Variants in ZFHX3 observed in about 807,000 individuals in gnomAD.
ZFHX3 encodes zinc finger homeobox 3, also known as zinc finger homeobox protein 3.
ZFHX3 carries 42 observed loss-of-function variants against 279.1 expected under a neutral mutation model. The observed-to-expected ratio is 0.15, with a 90% CI of 0.12 to 0.19. The LOEUF (loss-of-function observed/expected upper bound fraction) is 0.19, where lower values mean the gene tolerates loss of function less well. ZFHX3 is among the 10% of genes least tolerant of loss of function. The pLI is 1.00. For synonymous variants in ZFHX3, 2,293 were observed against 1,957.8 expected, an observed-to-expected ratio of 1.17 and a Z score of -4.52; for missense variants, 4,981 against 4,754.0, an observed-to-expected ratio of 1.05 and a Z score of -1.40.
chr16:73,876,535 T>C (rs545220413), intron 1 of ZFHX3, among the ~76,000 whole-genome samples: 2 of 152,238 alleles, frequency 1.3e-5, no homozygotes, highest in Admixed American at 6.5e-5. Context: ...AATTTGTATG[T>C]TTACATTAGC....
chr16:73,071,195 G>A (rs1317692106), intron 8 of ZFHX3, among the ~76,000 whole-genome samples: 1 of 151,262 alleles, frequency 6.6e-6, no homozygotes, highest in Non-Finnish European at 1.5e-5. Flanking sequence ...GGAGGGCCAG[G>A]CAAGGCTGCG....
intron 1 of ZFHX3, chr16:73,796,517 G>C (rs1353409778): frequency 6.6e-6 from 1 of 152,226 alleles, no homozygotes; most frequent in South Asian, 2.1e-4. Context: ...TGTCATGTCA[G>C]AAGAGAAACC....
chr16:73,074,642 G>A lies in ZFHX3; in HGVS notation c.-532-15630C>T, dbSNP rs535615917. Reference sequence around the variant, plus strand: ...ATGACGACACTAAACTGCAGATGCCGATTCCAAGATGAAGATAGTTCTGGG... The same window carrying A: ...ATGACGACACTAAACTGCAGATGCCAATTCCAAGATGAAGATAGTTCTGGG... On this transcript the variant is annotated intron_variant, in intron 8 of 17. Transcript: ENST00000641206. Among the ~76,000 whole-genome samples, 54 of 142,514 alleles carry A rather than the reference G, an allele frequency of 3.8e-4. 1 individual carries two copies. Among genetic ancestry groups the A allele is most frequent in the Admixed American group, 6.9e-4 (10 of 14,464 alleles). 93.5% of individuals were successfully genotyped at this position (142,514 alleles called of 152,430 possible). A position where few individuals can be genotyped will look rare whatever the true frequency, so the allele number is the denominator to read the frequency against.
At chr16:73,712,961 G>A (rs942522070) in intron 1 of ZFHX3, among the ~76,000 whole-genome samples, 1 of 152,156 alleles carries the variant, frequency 6.6e-6, no homozygotes, top group African/African-American at 2.4e-5. Context: ...GCTCCGCATT[G>A]CTCAGAGCCC....
chr16:73,117,906 T>C (rs1377511440), intron 7 of ZFHX3, among the ~76,000 whole-genome samples: 1 of 152,224 alleles, frequency 6.6e-6, no homozygotes, highest in East Asian at 1.9e-4. Flanking sequence ...AGAAACCAAA[T>C]CTGCTGGTGC....
chr16:73,779,750 G>A lies in ZFHX3; in HGVS notation c.-1607-99510C>T, dbSNP rs1253686695. On this transcript the variant is annotated intron_variant, in intron 1 of 17. Coordinates refer to the ZFHX3 transcript ENST00000641206. ...TTTCCTTTTTTTGAGAAAGAGTCTC[G>A]TTCTGTCGTCAGGTTGGAGGGCAAT... Among the ~76,000 whole-genome samples the A allele has an allele frequency of 2.6e-5, 4 of 152,116 alleles. No homozygotes were observed. In the East Asian group the frequency reaches 5.8e-4, roughly 22 times the overall value.
chr16:72,882,921 C>A (rs185225812), intron 4 of ZFHX3, among the ~76,000 whole-genome samples: 2 of 150,922 alleles, frequency 1.3e-5, no homozygotes, highest in East Asian at 3.9e-4. Flanking sequence ...GCTGGGCAGT[C>A]GCTACAAAGG....
intron 3 of ZFHX3, among the ~76,000 whole-genome samples, chr16:73,404,788 G>T (rs1476510526): frequency 1.3e-5 from 2 of 152,160 alleles, no homozygotes; most frequent in Non-Finnish European, 2.9e-5. Flanking sequence ...TTAGCAGCTT[G>T]TTTTGCTACC....
At chr16:73,585,208 G>A (rs1029335045) in intron 2 of ZFHX3, among the ~76,000 whole-genome samples, 2 of 152,182 alleles carry the variant, frequency 1.3e-5, no homozygotes, top group Admixed American at 6.5e-5. Context: ...ACGAGGTCAA[G>A]AGATCGAGAC....
At chr16:73,346,541 G>A (rs1272729875) in intron 3 of ZFHX3, among the ~76,000 whole-genome samples, 7 of 151,892 alleles carry the variant, frequency 4.6e-5, no homozygotes, top group Non-Finnish European at 8.8e-5. Flanking sequence ...GTGCGATCTC[G>A]GCTCACTGCA....
rs2144434336 is a variant in ZFHX3, at chr16:72,957,675, G to C, written c.2471C>G (p.Thr824Ser). The C allele has an allele frequency of 6.2e-7, 1 of 1,614,190 alleles. No individual in the cohort carries two copies. Among genetic ancestry groups the C allele is most frequent in the Non-Finnish European group, 8.5e-7 (1 of 1,180,030 alleles). Residue 824 changes from threonine (T) to serine (S), a missense_variant, in exon 2 of 10, where the codon ACC becomes AGC. Around this residue, in one of 7 missense-constraint regions of ZFHX3, gnomAD observed 1,751 missense variants for 1,770.0 expected, o/e 0.99. Coordinates refer to ENST00000268489, the MANE Select transcript of ZFHX3 (RefSeq NM_006885.4). ...CATGTTATGCATGTGCTTCTCACTG[G>C]TCATGTGAATGCGGAGGTTCCTGGC... ...NVARNLRIHM[T>S]SEKHMHNMML... is the part of the protein sequence containing the mutation.
intron 5 of ZFHX3, among the ~76,000 whole-genome samples, chr16:73,166,785 T>C (rs947608608): frequency 2.6e-5 from 4 of 152,166 alleles, no homozygotes; most frequent in Admixed American, 6.5e-5. Flanking sequence ...TGGCCAGAAA[T>C]TGAAAGTAAA....
chr16:73,069,896 C>T (rs1965801568), intron 8 of ZFHX3, among the ~76,000 whole-genome samples: 1 of 152,156 alleles, frequency 6.6e-6, no homozygotes, highest in African/African-American at 2.4e-5. Flanking sequence ...GACGCAAAAG[C>T]CTTATTTCCA....
intron 1 of ZFHX3, among the ~76,000 whole-genome samples, chr16:73,762,872 T>G (rs571610355): frequency 6.6e-6 from 1 of 152,170 alleles, no homozygotes; most frequent in South Asian, 2.1e-4. Context: ...AGCTAATACA[T>G]GCTGGGCTTA....
At chr16:72,994,716 A>C (rs1333849855) in intron 1 of ZFHX3, among the ~76,000 whole-genome samples, 1 of 152,204 alleles carries the variant, frequency 6.6e-6, no homozygotes, top group Non-Finnish European at 1.5e-5. Flanking sequence ...TGTTGTAGCT[A>C]TTATTTCTAA....
intron 1 of ZFHX3, among the ~76,000 whole-genome samples, chr16:73,761,946 T>A (rs1485855521): frequency 6.6e-6 from 1 of 151,730 alleles, no homozygotes; most frequent in African/African-American, 2.4e-5. Flanking sequence ...GACAAAGATG[T>A]CAAAAGCAAT....
At chr16:73,122,721 C>T (rs1966514750) in intron 7 of ZFHX3, among the ~76,000 whole-genome samples, 1 of 151,988 alleles carries the variant, frequency 6.6e-6, no homozygotes, top group Admixed American at 6.6e-5. Flanking sequence ...AAGGGTGAGC[C>T]CCAGAAGGAG....
chr16:73,105,418 C>CACAT lies in ZFHX3; in HGVS notation c.-896-11821_-896-11820insATGT, dbSNP rs1567389880. Among the ~76,000 whole-genome samples, 129 of 91,018 alleles carry CACAT rather than the reference C, an allele frequency of 1.4e-3. 4 individuals are homozygous for CACAT. Among genetic ancestry groups the CACAT allele is most frequent in the African/African-American group, 4.6e-3 (117 of 25,384 alleles). The allele number at this position is 91,018 out of a possible 152,430, so 59.7% of individuals were successfully genotyped here. A position where few individuals can be genotyped will look rare whatever the true frequency, so the allele number is the denominator to read the frequency against. ...ACATATATATATATATACACACACACATATATATATATATACACACACACA... is the reference window on the plus strand; with the variant it reads ...ACATATATATATATATACACACACACACATATATATATATATATACACACACACA... On this transcript the variant is annotated intron_variant, in intron 7 of 17. Transcript: ENST00000641206.
chr16:72,825,667 A>C (rs1243723925), intron 5 of ZFHX3, among the ~76,000 whole-genome samples: 2 of 152,262 alleles, frequency 1.3e-5, no homozygotes, highest in East Asian at 3.8e-4. Flanking sequence ...TGCCTGGCAC[A>C]GGGTTAGAGC....
Sources: allele counts gnomAD v4.1 joint callset (sites outside exome capture counted in the v4.1 genomes callset), GRCh38; gene constraint gnomAD v4.1.1; regional missense constraint gnomAD v4.1.1; transcripts MANE v1.5; gene names NCBI Gene and HGNC (gene_info 2026-07-23, HGNC 2026-07-21).